CDH13: variants seen among roughly 807,000 people sequenced by gnomAD.
CDH13 encodes cadherin 13.
A neutral mutation model predicts 63.8 loss-of-function variants in CDH13; 24 were observed. That is an observed-to-expected ratio of 0.38 (90% CI 0.27 to 0.53). CDH13 has a LOEUF of 0.53. Ranked by LOEUF, CDH13 falls within the 20% of genes least tolerant of loss-of-function variation. CDH13 has a pLI of 0.85. For synonymous variants in CDH13, 503 were observed against 355.3 expected (o/e 1.42, Z -4.67); for missense variants, 1,049 against 903.1 (o/e 1.16, Z -2.07).
At chr16:82,858,572 G>C in intron 2 of CDH13, 99 bp downstream of exon 2, 1 of 843,294 alleles carries the variant, frequency 1.2e-6, no homozygotes, top group African/African-American at 1.7e-5. Flanking sequence ...CCTAAACTAA[G>C]TGTTTTCTGA....
chr16:82,648,469 C>A (rs8048888), intron 1 of CDH13, among the ~76,000 whole-genome samples: 4 of 151,882 alleles, frequency 2.6e-5, no homozygotes, highest in Non-Finnish European at 5.9e-5. Context: ...TATTACATAA[C>A]CATTAAAGAG....
chr16:83,473,134 T>C (rs1398974071), intron 6 of CDH13, among the ~76,000 whole-genome samples: 1 of 152,188 alleles, frequency 6.6e-6, no homozygotes, highest in East Asian at 1.9e-4. Context: ...AGATCCTTCA[T>C]CAAGTTTTAT....
At chr16:82,673,066 T>G (rs1478356683) in intron 1 of CDH13, among the ~76,000 whole-genome samples, 1 of 137,412 alleles carries the variant, frequency 7.3e-6, no homozygotes, top group African/African-American at 2.6e-5. Flanking sequence ...GGTCTCGAAC[T>G]CCTGGGCTCA....
intron 1 of CDH13, among the ~76,000 whole-genome samples, chr16:82,798,744 C>T (rs1233809287): frequency 2.6e-5 from 4 of 152,084 alleles, no homozygotes; most frequent in Admixed American, 1.3e-4. Context: ...GAAACACATG[C>T]CCCAGGTAGA....
intron 10 of CDH13, among the ~76,000 whole-genome samples, chr16:83,680,760 C>G (rs1390989731): frequency 6.6e-6 from 1 of 152,046 alleles, no homozygotes; most frequent in Non-Finnish European, 1.5e-5. Flanking sequence ...TCACAAATGA[C>G]TAGTACCCAA....
chr16:82,634,062 A>G (rs931691416), intron 1 of CDH13, among the ~76,000 whole-genome samples: 1 of 152,198 alleles, frequency 6.6e-6, no homozygotes, highest in African/African-American at 2.4e-5. Flanking sequence ...AATGAGCATC[A>G]CCCGATCTGC....
chr16:82,820,366 C>T (rs528305619), intron 1 of CDH13, among the ~76,000 whole-genome samples: 2 of 152,154 alleles, frequency 1.3e-5, no homozygotes, highest in South Asian at 2.1e-4. Flanking sequence ...GTTCTAAATG[C>T]TTCATGGATA....
chr16:82,752,176 A>G (rs908372680), intron 1 of CDH13, among the ~76,000 whole-genome samples: 3 of 152,226 alleles, frequency 2.0e-5, no homozygotes, highest in Non-Finnish European at 2.9e-5. Flanking sequence ...CCTTTCCACC[A>G]AATTCTCTTC....
chr16:83,007,971 C>G (rs1913720149), intron 2 of CDH13, among the ~76,000 whole-genome samples: 1 of 152,160 alleles, frequency 6.6e-6, no homozygotes, highest in Non-Finnish European at 1.5e-5. Context: ...TCCTACCTAC[C>G]TACCGACTTA....
chr16:83,709,104 A>C (rs1907605509), intron 10 of CDH13, among the ~76,000 whole-genome samples: 1 of 152,194 alleles, frequency 6.6e-6, no homozygotes, highest in Non-Finnish European at 1.5e-5. Flanking sequence ...AAGGAGATGC[A>C]ATCACAAAAG....
At chr16:83,052,123 G>A (rs112738098) in intron 3 of CDH13, among the ~76,000 whole-genome samples, 6 of 152,104 alleles carry the variant, frequency 3.9e-5, no homozygotes, top group African/African-American at 7.2e-5. Flanking sequence ...TGAATGATCC[G>A]TATGCCATGT....
chr16:83,667,035 A>G (rs911583616), intron 8 of CDH13, among the ~76,000 whole-genome samples: 1 of 149,374 alleles, frequency 6.7e-6, no homozygotes, highest in Non-Finnish European at 1.5e-5. Flanking sequence ...GGATGGGTGG[A>G]TGGATGAATG....
chr16:83,118,830 G>C lies in CDH13; in HGVS notation c.367-6555G>C, dbSNP rs181055086. Among the ~76,000 whole-genome samples the C allele has an allele frequency of 2.9e-3, 443 of 152,236 alleles. 1 individual carries two copies. The highest frequency in any genetic ancestry group is 6.5e-3 in the Admixed American group (99 of 15,294). ...CTTCTCTGAGGCTGATGTAACTGCT[G>C]ATTCCTCTCACACCTCCTGTGGGCA... On this transcript the variant is annotated intron_variant, in intron 3 of 13. Transcript: ENST00000567109.
At chr16:83,202,061 C>G (rs866347570) in intron 4 of CDH13, among the ~76,000 whole-genome samples, 1 of 152,174 alleles carries the variant, frequency 6.6e-6, no homozygotes, top group Non-Finnish European at 1.5e-5. Flanking sequence ...GTTTTCTTTG[C>G]CAAGGTCTCT....
intron 8 of CDH13, among the ~76,000 whole-genome samples, chr16:83,618,807 A>G (rs1909534350): frequency 6.6e-6 from 1 of 151,942 alleles, no homozygotes; most frequent in South Asian, 2.1e-4. Context: ...TAGAGTGGAG[A>G]CAGGTTCAAC....
At chr16:82,863,028 C>A (rs538528665) in intron 2 of CDH13, among the ~76,000 whole-genome samples, 1 of 152,212 alleles carries the variant, frequency 6.6e-6, no homozygotes, top group Non-Finnish European at 1.5e-5. Flanking sequence ...ATTCTAAGAT[C>A]TAATCATGTC....
chr16:82,888,657 G>A (rs919849612), intron 2 of CDH13, among the ~76,000 whole-genome samples: 1 of 152,182 alleles, frequency 6.6e-6, no homozygotes, highest in African/African-American at 2.4e-5. Flanking sequence ...GTTCTGTGAT[G>A]CTTAGCATAT....
intron 1 of CDH13, among the ~76,000 whole-genome samples, chr16:82,830,071 A>C (rs2038458635): frequency 6.6e-6 from 1 of 152,218 alleles, no homozygotes; most frequent in Admixed American, 6.5e-5. Flanking sequence ...TCCTACAATA[A>C]AAATGTTATT....
chr16:83,239,985 A>G (rs1286188778), intron 5 of CDH13, among the ~76,000 whole-genome samples: 1 of 152,198 alleles, frequency 6.6e-6, no homozygotes, highest in Non-Finnish European at 1.5e-5. Context: ...GTCATGAGCT[A>G]TACAAATATC....
Sources: gnomAD v4.1 joint callset for allele counts (sites outside exome capture counted in the v4.1 genomes callset) on GRCh38, gnomAD v4.1.1 for gene constraint, MANE v1.5 for transcripts, NCBI Gene and HGNC (gene_info 2026-07-23, HGNC 2026-07-21) for gene names.